The following B3GALT1 variants were observed in gnomAD, a reference collection of about 807,000 sequenced individuals.
B3GALT1 encodes UDP-Gal:betaGlcNAc beta 1,3-galactosyltransferase, polypeptide 1.
B3GALT1 carries 10 observed loss-of-function variants against 23.2 expected under a neutral mutation model. The ratio of observed to expected loss-of-function variants is 0.43; its 90% confidence interval spans 0.27 to 0.73. The LOEUF (loss-of-function observed/expected upper bound fraction) is 0.73. B3GALT1 is among the 30% of genes least tolerant of loss of function. B3GALT1 has a pLI of 0.21. For missense variants in B3GALT1, 299 were observed against 405.4 expected, an observed-to-expected ratio of 0.74 and a Z score of 2.25; for synonymous variants, 156 against 141.5, an observed-to-expected ratio of 1.10 and a Z score of -0.73.
chr2:167,330,995 C>T (rs1039257879), intron 1 of B3GALT1, among the ~76,000 whole-genome samples: 1 of 151,602 alleles, frequency 6.6e-6, no homozygotes, highest in South Asian at 2.1e-4. Flanking sequence ...TTCATATGGA[C>T]GGATGTTTTT....
chr2:167,676,254 C>T (rs1686423323), intron 3 of B3GALT1, among the ~76,000 whole-genome samples: 1 of 152,016 alleles, frequency 6.6e-6, no homozygotes, highest in African/African-American at 2.4e-5. Context: ...TCATAAATAA[C>T]TTTTTTATCC....
chr2:167,437,487 G>A (rs542727947), intron 1 of B3GALT1, among the ~76,000 whole-genome samples: 1 of 152,256 alleles, frequency 6.6e-6, no homozygotes, highest in African/African-American at 2.4e-5. Flanking sequence ...GTCAAAAGTA[G>A]TTTTAAAATT....
chr2:167,545,052 T>TG (rs1683608036), intron 2 of B3GALT1, among the ~76,000 whole-genome samples: 1 of 120,820 alleles, frequency 8.3e-6, no homozygotes, highest in Admixed American at 8.7e-5. Context: ...TTTTTTTTTT[T>TG]TTGAGACAGT....
intron 1 of B3GALT1, among the ~76,000 whole-genome samples, chr2:167,369,451 A>G (rs1697646033): frequency 6.6e-6 from 1 of 152,190 alleles, no homozygotes; most frequent in Non-Finnish European, 1.5e-5. Flanking sequence ...GGGTTATAGT[A>G]TAGATGTTTT....
In B3GALT1 at chr2:167,357,018, A is replaced by ACG. The variant is rs1443732950; in HGVS notation, c.-511+63684_-511+63685insCG. On this transcript the variant is annotated intron_variant, in intron 1 of 4. Coordinates refer to ENST00000392690, the MANE Select transcript of B3GALT1 (RefSeq NM_020981.4). ...GTTGCAAATGATTTTCCCAGTTTGT[A>ACG]TGTGTGTGTGTGTATATATATATAT... is the stretch of plus-strand genomic sequence containing the variant. Among the ~76,000 whole-genome samples, 579 of 150,878 alleles carry ACG rather than the reference A, an allele frequency of 3.8e-3. 2 individuals carry two copies. The highest frequency in any genetic ancestry group is 5.6e-3 in the African/African-American group (227 of 40,812).
chr2:167,524,247 A>C (rs1683186316), intron 2 of B3GALT1, among the ~76,000 whole-genome samples: 1 of 152,174 alleles, frequency 6.6e-6, no homozygotes, highest in African/African-American at 2.4e-5. Context: ...TCTTCAAATC[A>C]TACTAATTTA....
chr2:167,770,558 A>C (rs1474709801), intron 3 of B3GALT1, among the ~76,000 whole-genome samples: 4 of 152,142 alleles, frequency 2.6e-5, no homozygotes, highest in Admixed American at 2.6e-4. Flanking sequence ...ATTTTCTTTC[A>C]GTGTATGGCT....
At chr2:167,383,701 A>T (rs952769750) in intron 1 of B3GALT1, among the ~76,000 whole-genome samples, 7 of 152,220 alleles carry the variant, frequency 4.6e-5, no homozygotes, top group African/African-American at 1.7e-4. Context: ...CAAATGCATG[A>T]GTATCTAGAT....
chr2:167,789,631 A>T (rs1688400628), intron 3 of B3GALT1, among the ~76,000 whole-genome samples: 1 of 152,152 alleles, frequency 6.6e-6, no homozygotes, highest in Non-Finnish European at 1.5e-5. Flanking sequence ...TAATAATAAC[A>T]CCAATACCAA....
chr2:167,607,064 A>T (rs954692332), intron 2 of B3GALT1, among the ~76,000 whole-genome samples: 12 of 152,316 alleles, frequency 7.9e-5, no homozygotes, highest in African/African-American at 2.4e-4. Context: ...ATGATTGAGA[A>T]CATGAAACCC....
chr2:167,699,380 A>ATTTTTTTTTTTT lies in B3GALT1; in HGVS notation c.-352+52428_-352+52439dup, dbSNP rs1169813738. On this transcript the variant is annotated intron_variant, in intron 3 of 4. Transcript: ENST00000392690. Reference sequence around the variant, plus strand: ...GGGGGAGTTTTTTGCCATTATTTCTATTTTTTTTTTTTTTTTTTTTTTTTT... The same window carrying ATTTTTTTTTTTT: ...GGGGGAGTTTTTTGCCATTATTTCTATTTTTTTTTTTTTTTTTTTTTTTTTTTTTTTTTTTTT... 3.7e-3 allele frequency among the ~76,000 whole-genome samples: 372 copies of ATTTTTTTTTTTT among 100,098 alleles called. 3 individuals carry two copies. The highest frequency in any genetic ancestry group is 5.2e-3 in the Non-Finnish European group (272 of 52,086). The allele number at this position is 100,098 out of a possible 152,430, so 65.7% of individuals were successfully genotyped here. A position where few individuals can be genotyped will look rare whatever the true frequency, so the allele number is the denominator to read the frequency against.
chr2:167,550,940 CTCTGGAGTTGT>C (rs1432890781), intron 2 of B3GALT1, among the ~76,000 whole-genome samples: 1 of 152,148 alleles, frequency 6.6e-6, no homozygotes, highest in Non-Finnish European at 1.5e-5. Flanking sequence ...GGCTGGTCAG[CTCTGGAGTTGT>C]TCAGGGACCC....
intron 2 of B3GALT1, among the ~76,000 whole-genome samples, chr2:167,629,056 C>T (rs1267776106): frequency 1.3e-5 from 2 of 151,604 alleles, no homozygotes; most frequent in Admixed American, 1.3e-4. Flanking sequence ...TAGAAATAAC[C>T]TCTCTGAGTT....
chr2:167,595,548 A>AT (rs1295560177), intron 2 of B3GALT1, among the ~76,000 whole-genome samples: 2 of 152,146 alleles, frequency 1.3e-5, no homozygotes, highest in Non-Finnish European at 2.9e-5. Flanking sequence ...TCTGTTTTAC[A>AT]TTTTTTAAAT....
chr2:167,455,922 C>A (rs963862494), intron 1 of B3GALT1, among the ~76,000 whole-genome samples: 1 of 152,082 alleles, frequency 6.6e-6, no homozygotes, highest in Non-Finnish European at 1.5e-5. Context: ...GAGGCCCAAC[C>A]AACACATATA....
intron 4 of B3GALT1, among the ~76,000 whole-genome samples, chr2:167,845,385 G>T (rs1004607109): frequency 6.6e-6 from 1 of 152,130 alleles, no homozygotes; most frequent in African/African-American, 2.4e-5. Context: ...TGGTATCCAC[G>T]TCTGGAAGGC....
intron 2 of B3GALT1, among the ~76,000 whole-genome samples, chr2:167,575,963 A>G (rs532560258): frequency 6.7e-6 from 1 of 148,910 alleles, no homozygotes; most frequent in Non-Finnish European, 1.5e-5. Flanking sequence ...CTTCAACAAT[A>G]TATTATTATC....
At chr2:167,660,638 C>T (rs1474113940) in intron 3 of B3GALT1, among the ~76,000 whole-genome samples, 1 of 152,058 alleles carries the variant, frequency 6.6e-6, no homozygotes, top group East Asian at 1.9e-4. Flanking sequence ...GGTCTGGAAC[C>T]TCCTTTCAAT....
At chr2:167,469,887 C>G (rs188625535) in intron 1 of B3GALT1, among the ~76,000 whole-genome samples, 38 of 152,240 alleles carry the variant, frequency 2.5e-4, no homozygotes, top group Admixed American at 1.4e-3. Flanking sequence ...AGATGTTATG[C>G]AGATTGTCAG....
Sources: allele counts gnomAD v4.1 joint callset (sites outside exome capture counted in the v4.1 genomes callset), GRCh38; gene constraint gnomAD v4.1.1; transcripts MANE v1.5; gene names NCBI Gene and HGNC (gene_info 2026-07-23, HGNC 2026-07-21).